Variants in STK31 observed in about 807,000 individuals in gnomAD.
STK31 encodes the protein serine/threonine-protein kinase 31.
In STK31, 89 loss-of-function variants were observed where a neutral mutation model predicts 129.7. The ratio of observed to expected loss-of-function variants is 0.69; its 90% CI spans 0.58 to 0.82. The LOEUF is 0.82. Among genes scored for constraint, STK31 ranks in the 40% least tolerant of loss-of-function variants. The pLI is 0.00. For missense variants in STK31, 1,187 were observed against 1,176.4 expected (o/e 1.01, Z -0.13); for synonymous variants, 448 against 395.3 (o/e 1.13, Z -1.58).
chr7:23,813,078 CTTTTTTTTT>C (rs70956924), intron 22 of STK31, among the ~76,000 whole-genome samples: 2 of 94,114 alleles, frequency 2.1e-5, no homozygotes, highest in African/African-American at 8.4e-5. Flanking sequence ...GCTCTCTGTT[CTTTTTTTTT>C]TTTTTTTTTT....
chr7:23,777,396 T>C (rs1471219657), intron 15 of STK31, among the ~76,000 whole-genome samples: 3 of 152,122 alleles, frequency 2.0e-5, no homozygotes, highest in Non-Finnish European at 4.4e-5. Context: ...TTCCATCTCA[T>C]TGATCTGTCT....
chr7:23,745,180 C>A (rs1788274159), intron 8 of STK31, among the ~76,000 whole-genome samples: 1 of 151,912 alleles, frequency 6.6e-6, no homozygotes, highest in African/African-American at 2.4e-5. Flanking sequence ...GACCTTGGGC[C>A]CTTGGGAGGA....
intron 22 of STK31, among the ~76,000 whole-genome samples, chr7:23,794,480 C>A (rs1482559905): frequency 6.6e-6 from 1 of 152,084 alleles, no homozygotes; most frequent in African/African-American, 2.4e-5. Context: ...GAGAAGGGAC[C>A]AGTACAGTAA....
At chr7:23,740,922 ATACTT>A (rs1053395602) in intron 8 of STK31, among the ~76,000 whole-genome samples, 1 of 152,212 alleles carries the variant, frequency 6.6e-6, no homozygotes, top group Non-Finnish European at 1.5e-5. Flanking sequence ...GGCAAGATAA[ATACTT>A]TATTCATTCC....
At chr7:23,828,682 C>T (rs571070197) in intron 23 of STK31, among the ~76,000 whole-genome samples, 4 of 152,332 alleles carry the variant, frequency 2.6e-5, no homozygotes, top group East Asian at 3.9e-4. Flanking sequence ...TCTTCTGCGT[C>T]GCTCACGCTG....
rs150806040 is a variant in STK31, at chr7:23,798,532, C to T, written c.2760+7586C>T. ...TTACCTCAATAGATGCAAGAAAAAG[C>T]CTTTGATAAAATTCAACACCCTTCA... On this transcript the variant is annotated intron_variant, in intron 22 of 23. Coordinates refer to ENST00000355870, the MANE Select transcript of STK31 (RefSeq NM_031414.5). Among the ~76,000 whole-genome samples, 1,284 of 150,786 alleles carry T rather than the reference C, an allele frequency of 8.5e-3. 31 individuals are homozygous for T. Among genetic ancestry groups the T allele is most frequent in the African/African-American group, 0.03 (1,207 of 40,850 alleles).
At chr7:23,817,237 A>T (rs886466437) in intron 23 of STK31, among the ~76,000 whole-genome samples, 1 of 152,180 alleles carries the variant, frequency 6.6e-6, no homozygotes, top group Non-Finnish European at 1.5e-5. Flanking sequence ...GCAAGTAATC[A>T]TGCCTTGCTA....
At chr7:23,757,064 GGTATCAGCT>G (rs1789133861) in intron 10 of STK31, among the ~76,000 whole-genome samples, 2 of 152,148 alleles carry the variant, frequency 1.3e-5, no homozygotes, top group Admixed American at 1.3e-4. Flanking sequence ...CAAAAGGAAT[GGTATCAGCT>G]GTTCTTTGTA....
intron 23 of STK31, among the ~76,000 whole-genome samples, chr7:23,819,679 G>A (rs187659092): frequency 9.5e-5 from 14 of 147,954 alleles, no homozygotes; most frequent in Admixed American, 9.0e-4. Context: ...CTCCCAAAGT[G>A]CCTGCCTGAC....
chr7:23,779,443 G>A (rs888044062), intron 15 of STK31, among the ~76,000 whole-genome samples: 1 of 152,160 alleles, frequency 6.6e-6, no homozygotes, highest in South Asian at 2.1e-4. Flanking sequence ...GCCCACAGCC[G>A]CCCCTTCCCC....
chr7:23,710,398 C>T, intron 1 of STK31, 63 bp downstream of exon 1: 1 of 1,611,168 alleles, frequency 6.2e-7, no homozygotes, highest in African/African-American at 1.3e-5. Flanking sequence ...TTCGTCGCTG[C>T]TTGCGTTTTA....
At chr7:23,759,407 G>T (rs28525068) in intron 10 of STK31, among the ~76,000 whole-genome samples, 6,767 of 152,254 alleles carry the variant, frequency 0.044, 193 homozygotes, top group Middle Eastern at 0.092. Context: ...AAATGCAAAA[G>T]AACTGAAATC....
chr7:23,751,194 A>G (rs768604411), intron 8 of STK31, among the ~76,000 whole-genome samples: 4 of 152,192 alleles, frequency 2.6e-5, no homozygotes, highest in Non-Finnish European at 4.4e-5. Flanking sequence ...GTTGCTGCAA[A>G]TGACAGGATT....
At chr7:23,808,169 A>AT (rs1554297151) in intron 22 of STK31, among the ~76,000 whole-genome samples, 21 of 146,382 alleles carry the variant, frequency 1.4e-4, no homozygotes, top group Non-Finnish European at 6.0e-5. Context: ...ATATATATAT[A>AT]TTTTTTGTAG....
chr7:23,829,670 C>T lies in STK31; in HGVS notation c.2830-2466C>T, dbSNP rs541308304. 1.3e-4 allele frequency among the ~76,000 whole-genome samples: 20 copies of T among 152,254 alleles called. No homozygotes were observed. In the Middle Eastern group the frequency reaches 0.01, roughly 78 times the overall value. On this transcript the variant is annotated intron_variant, in intron 23 of 23. Coordinates refer to ENST00000355870, the MANE Select transcript of STK31 (RefSeq NM_031414.5). ...TGTAGAACAAGTTAGGGAGAATTCT[C>T]GCCTCTTGAACCTTTGCAGTAGTTT...
At position 23,729,189 on chromosome 7, in the gene STK31, A is replaced by G; in HGVS notation, c.423A>G (p.Lys141=). The stretch of plus-strand genomic sequence containing the variant: ...AGCTGCAGTTTTCTAGTGTTGCCAA[A>G]AAGTATAAACTTTGGGGACTACACA... The part of the protein sequence containing the change: ...PLELQFSSVA[K]KYKLWGLHIP... The change falls in exon 6 of 24, where the codon AAA becomes AAG. Residue 141 remains lysine, a synonymous_variant. Coordinates refer to ENST00000355870, the MANE Select transcript of STK31 (RefSeq NM_031414.5). 2 of 1,612,068 alleles carry G rather than the reference A, an allele frequency of 1.2e-6. No homozygotes were observed.
chr7:23,781,384 T>A, intron 15 of STK31, 35 bp from the exon 16 acceptor site: 1 of 1,488,656 alleles, frequency 6.7e-7, no homozygotes, highest in Non-Finnish European at 9.3e-7. Context: ...GTTTTCTCTA[T>A]GTTAATAAAA....
chr7:23,750,956 A>G (rs1788673565), intron 8 of STK31, among the ~76,000 whole-genome samples: 2 of 152,322 alleles, frequency 1.3e-5, no homozygotes, highest in Admixed American at 6.5e-5. Flanking sequence ...GCTATCAAAC[A>G]TTAGAACTTA....
chr7:23,756,945 A>G (rs192193271), intron 10 of STK31, among the ~76,000 whole-genome samples: 658 of 152,178 alleles, frequency 4.3e-3, no homozygotes, highest in African/African-American at 0.013. Context: ...ATTGGCCTGA[A>G]GTTTTCTTTT....
Sources: allele counts gnomAD v4.1 joint callset (sites outside exome capture counted in the v4.1 genomes callset), GRCh38; gene constraint gnomAD v4.1.1; transcripts MANE v1.5; gene names NCBI Gene and HGNC (gene_info 2026-07-23, HGNC 2026-07-21).